Variants in PDE11A observed in about 807,000 individuals in gnomAD.
PDE11A encodes the protein phosphodiesterase 11A.
A neutral mutation model predicts 100.5 loss-of-function variants in PDE11A; 100 were observed. That is an observed-to-expected ratio of 1.00 (90% CI 0.85 to 1.18). PDE11A has a LOEUF of 1.18. PDE11A is among the 50% of genes most tolerant of loss of function. The probability of loss-of-function intolerance (pLI) is 0.00; values close to 1 mark genes in which losing one functional copy is unlikely to be tolerated. For synonymous variants in PDE11A, 381 were observed against 420.8 expected (o/e 0.91, Z 1.16); for missense variants, 1,141 against 1,152.6 (o/e 0.99, Z 0.15).
intron 1 of PDE11A, among the ~76,000 whole-genome samples, chr2:178,028,809 A>G (rs996637275): frequency 6.6e-6 from 1 of 152,218 alleles, no homozygotes; most frequent in African/African-American, 2.4e-5. Context: ...CTCTCATGCA[A>G]ATAACAGGGC....
At chr2:178,087,981 C>A (rs10181412) in intron 2 of PDE11A, among the ~76,000 whole-genome samples, 2 of 151,970 alleles carry the variant, frequency 1.3e-5, no homozygotes, top group African/African-American at 2.4e-5. Flanking sequence ...AAATGAGAGA[C>A]CTGGCCCAAC....
At chr2:177,663,779 G>A in intron 19 of PDE11A, 87 bp downstream of exon 19, 6 of 814,972 alleles carry the variant, frequency 7.4e-6, no homozygotes, top group Middle Eastern at 2.2e-4. Flanking sequence ...CCCTGGAAAT[G>A]TCTCCTCAAA....
In PDE11A at chr2:177,948,595, T is replaced by C. The variant is rs74366215; in HGVS notation, c.1072-43408A>G. ...AATTTTCTGCTTATTTTTCTACTGA[T>C]TTAAATTGTTTAAAAAATTAATAAC... On this transcript the variant is annotated intron_variant, in intron 2 of 19. Coordinates refer to ENST00000286063, the MANE Select transcript of PDE11A (RefSeq NM_016953.4). Among the ~76,000 whole-genome samples the C allele has an allele frequency of 9.7e-3, 1,476 of 152,338 alleles. 21 individuals are homozygous for C. Among genetic ancestry groups the C allele is most frequent in the African/African-American group, 0.034 (1,401 of 41,584 alleles).
chr2:177,877,694 G>A (rs2105698778), intron 4 of PDE11A, among the ~76,000 whole-genome samples: 1 of 152,262 alleles, frequency 6.6e-6, no homozygotes. Context: ...TGGCTCTGAG[G>A]GGACTCAGTT....
intron 2 of PDE11A, 48 bp from the exon 3 acceptor site, chr2:177,905,235 A>G: frequency 9.8e-7 from 1 of 1,015,266 alleles, no homozygotes; most frequent in Non-Finnish European, 1.6e-6. Context: ...GAACATTGAT[A>G]CATCCCTTGT....
At chr2:177,722,016 G>A (rs1263868826) in intron 12 of PDE11A, among the ~76,000 whole-genome samples, 2 of 152,104 alleles carry the variant, frequency 1.3e-5, no homozygotes, top group East Asian at 1.9e-4. Flanking sequence ...TGTGATAAAT[G>A]ACCATGGCTC....
At chr2:177,681,529 T>C (rs2080864311) in intron 15 of PDE11A, among the ~76,000 whole-genome samples, 1 of 152,200 alleles carries the variant, frequency 6.6e-6, no homozygotes, top group African/African-American at 2.4e-5. Context: ...AGTTGCTAAC[T>C]CACAGAGTTA....
At chr2:178,107,721 C>CTTT (rs1159976078) in intron 1 of PDE11A, among the ~76,000 whole-genome samples, 64 of 123,044 alleles carry the variant, frequency 5.2e-4, no homozygotes, top group African/African-American at 1.5e-3. Context: ...CTTTTTTTTT[C>CTTT]TTTTTTTTTT....
At chr2:178,094,388 C>T (rs573066663) in intron 2 of PDE11A, among the ~76,000 whole-genome samples, 1 of 151,744 alleles carries the variant, frequency 6.6e-6, no homozygotes, top group Non-Finnish European at 1.5e-5. Flanking sequence ...AAAAAATGGC[C>T]GGGCATGGTG....
At chr2:177,854,881 A>G (rs1380675303) in intron 5 of PDE11A, among the ~76,000 whole-genome samples, 1 of 152,114 alleles carries the variant, frequency 6.6e-6, no homozygotes, top group East Asian at 1.9e-4. Context: ...GTCAATTGAC[A>G]ACATTAAATA....
intron 6 of PDE11A, among the ~76,000 whole-genome samples, chr2:177,820,536 C>T (rs764403803): frequency 2.0e-5 from 3 of 151,894 alleles, no homozygotes; most frequent in East Asian, 1.9e-4. Flanking sequence ...ACCAACATGA[C>T]CTCCTTCAAT....
chr2:177,862,426 CA>C (rs2083959653), intron 5 of PDE11A, among the ~76,000 whole-genome samples: 1 of 151,788 alleles, frequency 6.6e-6, no homozygotes, highest in Admixed American at 6.6e-5. Context: ...TTGCAGATGA[CA>C]TAATTCTGGA....
intron 2 of PDE11A, among the ~76,000 whole-genome samples, chr2:178,079,223 A>C (rs1160953049): frequency 6.6e-6 from 1 of 152,114 alleles, no homozygotes; most frequent in Non-Finnish European, 1.5e-5. Flanking sequence ...AGTGTGCTGC[A>C]CAGATCAACA....
intron 10 of PDE11A, among the ~76,000 whole-genome samples, chr2:177,733,195 A>G (rs940710937): frequency 6.6e-6 from 1 of 152,264 alleles, no homozygotes; most frequent in Non-Finnish European, 1.5e-5. Context: ...AATATTTATA[A>G]GGTGTCATAT....
intron 2 of PDE11A, among the ~76,000 whole-genome samples, chr2:177,962,351 T>C (rs2085645014): frequency 6.6e-6 from 1 of 152,012 alleles, no homozygotes; most frequent in African/African-American, 2.4e-5. Flanking sequence ...TGTATCAATA[T>C]CCCTAGTCAC....
At chr2:178,031,676 A>C (rs975433654) in intron 1 of PDE11A, among the ~76,000 whole-genome samples, 3 of 152,198 alleles carry the variant, frequency 2.0e-5, no homozygotes, top group Admixed American at 1.3e-4. Context: ...AATTGGAAAA[A>C]AATATATATC....
chr2:177,695,924 C>T (rs1574053239), intron 15 of PDE11A, among the ~76,000 whole-genome samples: 1 of 152,112 alleles, frequency 6.6e-6, no homozygotes, highest in Non-Finnish European at 1.5e-5. Flanking sequence ...ACAGAAGAGA[C>T]AGATCTTAAA....
chr2:178,054,816 T>C (rs1289476385), intron 1 of PDE11A, among the ~76,000 whole-genome samples: 2 of 152,150 alleles, frequency 1.3e-5, no homozygotes, highest in Admixed American at 6.5e-5. Context: ...TCACACCAGT[T>C]AGAATGGACA....
chr2:177,981,924 C>T (rs375093979), intron 2 of PDE11A, among the ~76,000 whole-genome samples: 3 of 150,868 alleles, frequency 2.0e-5, no homozygotes, highest in South Asian at 2.1e-4. Flanking sequence ...TAGCTGAATC[C>T]GGAAAGGCAG....
Sources: allele counts gnomAD v4.1 joint callset (sites outside exome capture counted in the v4.1 genomes callset), GRCh38; gene constraint gnomAD v4.1.1; transcripts MANE v1.5; gene names NCBI Gene and HGNC (gene_info 2026-07-23, HGNC 2026-07-21).